The following PHF21B variants were observed in gnomAD, a reference collection of about 807,000 sequenced individuals.
PHF21B encodes the protein PHD finger protein 4.
A neutral mutation model predicts 62.2 loss-of-function variants in PHF21B; 22 were observed. The observed-to-expected ratio is 0.35, with a 90% CI of 0.25 to 0.51. PHF21B has a LOEUF of 0.51. Ranked by LOEUF, PHF21B falls within the 20% of genes least tolerant of loss-of-function variation. The pLI, the probability that PHF21B is intolerant of heterozygous loss-of-function variation, is 0.97. For synonymous variants in PHF21B, 341 were observed against 314.7 expected (o/e 1.08, Z -0.88); for missense variants, 701 against 707.9 (o/e 0.99, Z 0.11).
chr22:44,994,585 C>T (rs974592492), intron 2 of PHF21B, among the ~76,000 whole-genome samples: 2 of 152,198 alleles, frequency 1.3e-5, no homozygotes, highest in African/African-American at 4.8e-5. Context: ...GGATCAGTTA[C>T]GGCAGCCACA....
chr22:44,909,999 C>G (rs2071317712), intron 5 of PHF21B, among the ~76,000 whole-genome samples: 1 of 152,208 alleles, frequency 6.6e-6, no homozygotes, highest in Admixed American at 6.5e-5. Flanking sequence ...TTTCCAAGGG[C>G]AAGGACCATG....
intron 8 of PHF21B, among the ~76,000 whole-genome samples, chr22:44,890,367 CAT>C (rs1206000487): frequency 6.6e-6 from 1 of 152,198 alleles, no homozygotes; most frequent in Admixed American, 6.5e-5. Context: ...TGATCGCAAA[CAT>C]ATATATCTTT....
chr22:44,932,781 G>T (rs937075769), intron 2 of PHF21B, among the ~76,000 whole-genome samples: 2 of 152,248 alleles, frequency 1.3e-5, no homozygotes, highest in Admixed American at 1.3e-4. Context: ...CTTGGTGTGG[G>T]CAGGGATGCA....
chr22:44,895,265 G>A (rs1402291554), intron 6 of PHF21B, among the ~76,000 whole-genome samples: 2 of 152,106 alleles, frequency 1.3e-5, no homozygotes, highest in African/African-American at 4.8e-5. Context: ...TCCCCAAGGG[G>A]GCTGGTTTCG....
intron 5 of PHF21B, among the ~76,000 whole-genome samples, chr22:44,907,706 G>C (rs916045712): frequency 6.6e-6 from 1 of 152,222 alleles, no homozygotes; most frequent in Admixed American, 6.5e-5. Context: ...CTGGGAAAAG[G>C]TTTTGTGGGG....
intron 11 of PHF21B, 129 bp from the exon 12 acceptor site, chr22:44,885,658 G>A: frequency 9.4e-7 from 1 of 1,062,828 alleles, no homozygotes; most frequent in Non-Finnish European, 1.3e-6. Context: ...CAGTGGCTGT[G>A]GCCAAATGCA....
intron 2 of PHF21B, among the ~76,000 whole-genome samples, chr22:44,999,638 A>G (rs1212588114): frequency 6.6e-6 from 1 of 152,090 alleles, no homozygotes; most frequent in Non-Finnish European, 1.5e-5. Context: ...CCGGAGTAAC[A>G]GTCCACACCT....
intron 9 of PHF21B, 123 bp downstream of exon 9, chr22:44,889,637 G>T: frequency 8.1e-7 from 1 of 1,240,682 alleles, no homozygotes; most frequent in Non-Finnish European, 1.1e-6. Context: ...CCTAAAGGCA[G>T]AACCGAAAGG....
At chr22:45,007,653 G>A (rs1487587462) in intron 2 of PHF21B, among the ~76,000 whole-genome samples, 2 of 147,082 alleles carry the variant, frequency 1.4e-5, no homozygotes, top group Non-Finnish European at 3.0e-5. Context: ...CATTGGCTGC[G>A]CCGCTCAAAG....
chr22:44,914,889 AT>A (rs1382206859), intron 4 of PHF21B, among the ~76,000 whole-genome samples: 1 of 152,112 alleles, frequency 6.6e-6, no homozygotes, highest in Non-Finnish European at 1.5e-5. Context: ...TAGCTCTACC[AT>A]TTTATTTCTT....
intron 5 of PHF21B, among the ~76,000 whole-genome samples, chr22:44,903,023 TCCC>T (rs911618386): frequency 1.4e-4 from 22 of 152,300 alleles, no homozygotes; most frequent in South Asian, 1.0e-3. Context: ...CCTCTGCCTC[TCCC>T]CCATGGTCAA....
At chr22:44,896,748 TAGTTTTGTAATGACCATTTCTCC>T (rs927482248) in intron 5 of PHF21B, among the ~76,000 whole-genome samples, 6 of 152,212 alleles carry the variant, frequency 3.9e-5, no homozygotes, top group African/African-American at 1.4e-4. Context: ...CTAGTGATCC[TAGTTTTGTAATGACCATTTCTCC>T]AGTTTTGTAA....
chr22:44,998,222 A>G (rs920475021), intron 2 of PHF21B, among the ~76,000 whole-genome samples: 2 of 152,192 alleles, frequency 1.3e-5, no homozygotes, highest in Non-Finnish European at 2.9e-5. Context: ...ACCATTCTCA[A>G]AACACCCAGG....
intron 2 of PHF21B, among the ~76,000 whole-genome samples, chr22:45,006,541 C>T (rs749274007): frequency 2.6e-5 from 4 of 152,126 alleles, no homozygotes; most frequent in Non-Finnish European, 5.9e-5. Flanking sequence ...TAAATTCCGG[C>T]ATGACAGATA....
At chr22:44,952,436 G>C (rs1022622) in intron 2 of PHF21B, among the ~76,000 whole-genome samples, 116,613 of 152,208 alleles carry the variant, frequency 0.77, 47,175 homozygotes, top group East Asian at 0.9. Flanking sequence ...ATGGCATATG[G>C]TCATTGAAAA....
intron 2 of PHF21B, among the ~76,000 whole-genome samples, chr22:44,952,034 T>C (rs1023640123): frequency 5.3e-5 from 8 of 152,174 alleles, no homozygotes; most frequent in African/African-American, 1.7e-4. Context: ...CACTGCGTGT[T>C]ATGTATACAA....
At chr22:44,935,233 C>T (rs1272312236) in intron 2 of PHF21B, among the ~76,000 whole-genome samples, 2 of 152,154 alleles carry the variant, frequency 1.3e-5, no homozygotes, top group Non-Finnish European at 2.9e-5. Flanking sequence ...AGACCCTGAA[C>T]AAGTTACTCA....
chr22:44,923,292 C>T (rs1203795335), intron 2 of PHF21B, among the ~76,000 whole-genome samples: 7 of 145,034 alleles, frequency 4.8e-5, no homozygotes, highest in Non-Finnish European at 1.1e-4. Context: ...ATACTAAAAT[C>T]GAACAGAAAA....
At chr22:44,911,583 C>T in intron 5 of PHF21B, among the ~76,000 whole-genome samples, 1 of 152,252 alleles carries the variant, frequency 6.6e-6, no homozygotes, top group East Asian at 1.9e-4. Flanking sequence ...TCGGCAGCTT[C>T]CACATGGTGT....
Sources: gnomAD v4.1 joint callset for allele counts (sites outside exome capture counted in the v4.1 genomes callset) on GRCh38, gnomAD v4.1.1 for gene constraint, MANE v1.5 for transcripts, NCBI Gene and HGNC (gene_info 2026-07-23, HGNC 2026-07-21) for gene names.